BCHE: variants seen among roughly 807,000 people sequenced by gnomAD.
BCHE encodes the protein cholinesterase.
A neutral mutation model predicts 51.3 loss-of-function variants in BCHE; 48 were observed. The ratio of observed to expected loss-of-function variants is 0.94; its 90% CI spans 0.74 to 1.19. The LOEUF is 1.19. Ranked by LOEUF, BCHE falls within the 50% of genes most tolerant of loss-of-function variation. The pLI is 0.00. For synonymous variants in BCHE, 251 were observed against 238.0 expected (o/e 1.05, Z -0.50); for missense variants, 847 against 708.2 (o/e 1.20, Z -2.23).
chr3:165,778,155 A>T (rs1380911932), intron 3 of BCHE: 3 of 153,040 alleles, frequency 2.0e-5, no homozygotes, highest in Non-Finnish European at 4.4e-5. Context: ...CCAAATTTGC[A>T]TTCAGAGGCA....
intron 3 of BCHE, among the ~76,000 whole-genome samples, chr3:165,775,367 A>AT (rs1205977976): frequency 6.6e-6 from 1 of 151,846 alleles, no homozygotes; most frequent in Non-Finnish European, 1.5e-5. Flanking sequence ...TATAATCACA[A>AT]TTTTTTGGTG....
At chr3:165,785,244 C>T (rs1043990484) in intron 3 of BCHE, among the ~76,000 whole-genome samples, 19 of 151,660 alleles carry the variant, frequency 1.3e-4, no homozygotes. Context: ...AATTACAGAT[C>T]GTCATGATGA....
intron 2 of BCHE, among the ~76,000 whole-genome samples, chr3:165,808,986 G>A (rs1177390264): frequency 6.6e-6 from 1 of 151,922 alleles, no homozygotes; most frequent in Non-Finnish European, 1.5e-5. Flanking sequence ...CAATTATGGA[G>A]TAATGTACTT....
At chr3:165,832,768 C>T (rs2108237509) in intron 1 of BCHE, among the ~76,000 whole-genome samples, 1 of 152,184 alleles carries the variant, frequency 6.6e-6, no homozygotes, top group South Asian at 2.1e-4. Flanking sequence ...CCTACAAATA[C>T]TAAGCATTTG....
intron 1 of BCHE, among the ~76,000 whole-genome samples, chr3:165,833,655 C>G (rs1715071655): frequency 6.6e-6 from 1 of 152,088 alleles, no homozygotes; most frequent in African/African-American, 2.4e-5. Context: ...ACACTAATAA[C>G]ATTTCAGACA....
intron 3 of BCHE, among the ~76,000 whole-genome samples, chr3:165,779,601 A>G (rs1576834167): frequency 6.6e-6 from 1 of 152,170 alleles, no homozygotes. Flanking sequence ...AGAAATCACA[A>G]GCATTCCTAT....
At chr3:165,837,183 C>G (rs897948385) in intron 1 of BCHE, 131 bp downstream of exon 1, 8 of 468,024 alleles carry the variant, frequency 1.7e-5, no homozygotes, top group South Asian at 1.4e-4. Context: ...CATTTGCAAG[C>G]TTCAGTAACT....
Position 165,830,261 on chromosome 3 carries a change from G to A in BCHE, c.773C>T (p.Pro258Leu), listed in dbSNP as rs774374578. Residue 258 changes from proline (P) to leucine (L), a missense_variant, in exon 2 of 4, where the codon CCT becomes CTT. Pro to Leu is a moderately conservative substitution (Grantham distance 98, BLOSUM62 -3). Transcript: ENST00000264381. ...AILQSGSFNA[P>L]WAVTSLYEAR... ...TTCATAAAGAGATGTTACCGCCCAA[G>A]GAGCATTAAAGGATCCACTTTGCAG... The A allele has an allele frequency of 4.3e-6, 7 of 1,613,864 alleles. No individual in the cohort carries two copies. In the African/African-American group the frequency reaches 6.7e-5, roughly 15 times the overall value.
chr3:165,812,154 A>T (rs1376682943), intron 2 of BCHE, among the ~76,000 whole-genome samples: 1 of 151,974 alleles, frequency 6.6e-6, no homozygotes, highest in Non-Finnish European at 1.5e-5. Context: ...TTTAGTACCA[A>T]CTCTAAGATA....
chr3:165,804,261 G>A (rs978370460), intron 2 of BCHE, among the ~76,000 whole-genome samples: 3 of 152,052 alleles, frequency 2.0e-5, no homozygotes, highest in African/African-American at 7.2e-5. Context: ...AGAATGAGAG[G>A]ATAAAAGTGG....
intron 2 of BCHE, among the ~76,000 whole-genome samples, chr3:165,824,923 ATCATT>A (rs1370064838): frequency 2.0e-5 from 3 of 152,124 alleles, no homozygotes; most frequent in African/African-American, 4.8e-5. Context: ...ACATTAATCA[ATCATT>A]TCAACACCTA....
In BCHE at chr3:165,786,240, G is replaced by T. The variant is rs371901966; in HGVS notation, c.1589C>A (p.Thr530Asn). 1.2e-6 allele frequency: 2 copies of T among 1,612,064 alleles called. No homozygotes were observed. The change falls in exon 3 of 4, where the codon ACC (threonine) becomes AAC (asparagine). Residue 530 changes from threonine (T) to asparagine (N), a missense_variant. Thr to Asn is a moderately conservative substitution (Grantham distance 65). Transcript: ENST00000264381. ...VFKSTEQKYL[T>N]LNTESTRIMT... The stretch of plus-strand genomic sequence containing the variant: ...TATTCTTGTTGACTCTGTATTCAAG[G>T]TTAGATATTTTTGTTCAGTGCTTTT...
At chr3:165,791,261 C>T (rs1163760319) in intron 2 of BCHE, among the ~76,000 whole-genome samples, 1 of 151,632 alleles carries the variant, frequency 6.6e-6, no homozygotes, top group Non-Finnish European at 1.5e-5. Flanking sequence ...CACCATGGCA[C>T]TGCAGACTGG....
At chr3:165,776,142 T>C (rs1336740922) in intron 3 of BCHE, among the ~76,000 whole-genome samples, 1 of 152,010 alleles carries the variant, frequency 6.6e-6, no homozygotes, top group East Asian at 1.9e-4. Flanking sequence ...TAGCAAATTT[T>C]AACTTATTTA....
At chr3:165,825,817 T>G (rs927485922) in intron 2 of BCHE, among the ~76,000 whole-genome samples, 1 of 152,040 alleles carries the variant, frequency 6.6e-6, no homozygotes, top group South Asian at 2.1e-4. Context: ...CAATGAGAGA[T>G]AAACCCAATA....
intron 2 of BCHE, among the ~76,000 whole-genome samples, chr3:165,789,574 A>G (rs1187846117): frequency 6.6e-6 from 1 of 152,170 alleles, no homozygotes; most frequent in Non-Finnish European, 1.5e-5. Flanking sequence ...TAAGTAAGCT[A>G]TAGTAATTTT....
At chr3:165,784,270 C>T (rs1712819224) in intron 3 of BCHE, among the ~76,000 whole-genome samples, 1 of 151,778 alleles carries the variant, frequency 6.6e-6, no homozygotes, top group Non-Finnish European at 1.5e-5. Context: ...TTAATCTGTC[C>T]ACACTATTTA....
At chr3:165,804,476 CAT>C (rs1713796727) in intron 2 of BCHE, among the ~76,000 whole-genome samples, 1 of 151,880 alleles carries the variant, frequency 6.6e-6, no homozygotes, top group African/African-American at 2.4e-5. Context: ...CTTGCATAGT[CAT>C]ATGTGGATGG....
chr3:165,801,080 T>C (rs1713623163), intron 2 of BCHE, among the ~76,000 whole-genome samples: 1 of 152,186 alleles, frequency 6.6e-6, no homozygotes, highest in African/African-American at 2.4e-5. Flanking sequence ...TACAGCTTTC[T>C]AGCTTTTGCA....
Sources: allele counts gnomAD v4.1 joint callset (sites outside exome capture counted in the v4.1 genomes callset), GRCh38; gene constraint gnomAD v4.1.1; transcripts MANE v1.5; gene names NCBI Gene and HGNC (gene_info 2026-07-23, HGNC 2026-07-21).